The following KCNMB2 variants were observed in gnomAD, a reference collection of about 807,000 sequenced individuals.
KCNMB2 encodes potassium calcium-activated channel subfamily M regulatory beta subunit 2, also known as calcium-activated potassium channel subunit beta-2.
Under a neutral mutation model 24.5 loss-of-function variants are expected in KCNMB2, and 9 were observed. That is an observed-to-expected ratio of 0.37 (90% CI 0.22 to 0.64). The LOEUF is 0.64. Among genes scored for constraint, KCNMB2 ranks in the 30% least tolerant of loss-of-function variants. KCNMB2 has a pLI of 0.63. For synonymous variants in KCNMB2, 109 were observed against 104.4 expected (o/e 1.04, Z -0.27); for missense variants, 226 against 284.3 (o/e 0.79, Z 1.47).
At chr3:178,722,585 T>A (rs754427767) in intron 1 of KCNMB2, among the ~76,000 whole-genome samples, 7 of 152,150 alleles carry the variant, frequency 4.6e-5, no homozygotes, top group Non-Finnish European at 1.0e-4. Flanking sequence ...CCTCATATAT[T>A]AGTCACCTCT....
chr3:178,690,452 A>G (rs1285481538), intron 1 of KCNMB2, among the ~76,000 whole-genome samples: 1 of 151,922 alleles, frequency 6.6e-6, no homozygotes. Flanking sequence ...TAAATAATAA[A>G]TAATTTTGCA....
intron 1 of KCNMB2, among the ~76,000 whole-genome samples, chr3:178,692,297 C>G (rs1721709863): frequency 1.3e-5 from 2 of 152,096 alleles, no homozygotes; most frequent in Admixed American, 1.3e-4. Flanking sequence ...CTTTTAGCAT[C>G]TTCATCATGA....
chr3:178,752,840 A>C (rs968015151), intron 1 of KCNMB2, among the ~76,000 whole-genome samples: 1 of 152,224 alleles, frequency 6.6e-6, no homozygotes, highest in Non-Finnish European at 1.5e-5. Flanking sequence ...GAGAGTAAAG[A>C]TAAAGTCAGT....
intron 1 of KCNMB2, among the ~76,000 whole-genome samples, chr3:178,721,691 C>T (rs1722812388): frequency 6.6e-6 from 1 of 152,174 alleles, no homozygotes; most frequent in African/African-American, 2.4e-5. Context: ...TTCCCAACAG[C>T]AATGCAAAAG....
intron 1 of KCNMB2, among the ~76,000 whole-genome samples, chr3:178,631,393 A>T (rs1384072553): frequency 6.6e-6 from 1 of 152,202 alleles, no homozygotes; most frequent in African/African-American, 2.4e-5. Context: ...AGGCTAGGGG[A>T]CCCAAGCCAC....
rs140312599 is a variant in KCNMB2, at chr3:178,620,486, G to T, written c.-68+83775G>T. On this transcript the variant is annotated intron_variant, in intron 1 of 4. Transcript: ENST00000452583. ...TGAGGCTGAGAAGTCCAAGACCAAG[G>T]TGCTAGCAGATTCAGTGTCTGGTGA... Among the ~76,000 whole-genome samples the T allele has an allele frequency of 3.4e-3, 520 of 152,278 alleles. 3 individuals are homozygous for T. Among genetic ancestry groups the T allele is most frequent in the African/African-American group, 0.012 (499 of 41,568 alleles).
intron 1 of KCNMB2, chr3:178,729,377 G>A (rs1380540416): frequency 6.6e-6 from 1 of 152,132 alleles, no homozygotes; most frequent in African/African-American, 2.4e-5. Flanking sequence ...GTACCTTCCA[G>A]AATCAGGTTC....
intron 1 of KCNMB2, among the ~76,000 whole-genome samples, chr3:178,606,673 G>T (rs1024429545): frequency 6.6e-6 from 1 of 151,972 alleles, no homozygotes; most frequent in African/African-American, 2.4e-5. Context: ...GACATGATTT[G>T]GGGGTGGGGG....
intron 1 of KCNMB2, among the ~76,000 whole-genome samples, chr3:178,550,919 A>G (rs1328745887): frequency 6.6e-6 from 1 of 152,214 alleles, no homozygotes; most frequent in Non-Finnish European, 1.5e-5. Flanking sequence ...TTAAGATGAG[A>G]GTGGGTAATC....
chr3:178,724,888 C>T (rs1458194108), intron 1 of KCNMB2, among the ~76,000 whole-genome samples: 1 of 152,084 alleles, frequency 6.6e-6, no homozygotes, highest in East Asian at 1.9e-4. Context: ...CAGCACAATG[C>T]TGTTTTGGTT....
intron 1 of KCNMB2, among the ~76,000 whole-genome samples, chr3:178,766,208 T>C (rs1418216625): frequency 6.6e-6 from 1 of 152,178 alleles, no homozygotes; most frequent in Non-Finnish European, 1.5e-5. Flanking sequence ...TTTATTTTTA[T>C]TTTGAGATAG....
Position 178,843,371 on chromosome 3 carries a change from C to A in KCNMB2, c.*434C>A, listed in dbSNP as rs766848655. 25 of 324,798 alleles carry A rather than the reference C, an allele frequency of 7.7e-5. No homozygotes were observed. The highest frequency in any genetic ancestry group is 9.7e-5 in the Non-Finnish European group (16 of 164,150). The allele number at this position is 324,798 out of a possible 1,614,324, so 20.1% of individuals were successfully genotyped here. A position where few individuals can be genotyped will look rare whatever the true frequency, so the allele number is the denominator to read the frequency against. ...AAATATTTTTTTTTCTTATTCTAAA[C>A]TGAGCCCTATAGCAAGTGAAGGGAC... is the stretch of plus-strand genomic sequence containing the variant. On this transcript the variant is annotated 3_prime_UTR_variant, in exon 5 of 5. Transcript: ENST00000452583.
chr3:178,739,197 G>T (rs1298770348), intron 1 of KCNMB2, among the ~76,000 whole-genome samples: 2 of 151,822 alleles, frequency 1.3e-5, no homozygotes, highest in Admixed American at 6.6e-5. Context: ...CCCACAGGCT[G>T]TGTGACTTTA....
intron 1 of KCNMB2, among the ~76,000 whole-genome samples, chr3:178,784,855 G>A (rs1339812201): frequency 7.0e-6 from 1 of 142,568 alleles, no homozygotes; most frequent in Admixed American, 7.3e-5. Context: ...GCTTCTAAGT[G>A]GCCTTTTACC....
At chr3:178,794,811 G>A (rs1177227476) in intron 1 of KCNMB2, among the ~76,000 whole-genome samples, 1 of 152,162 alleles carries the variant, frequency 6.6e-6, no homozygotes, top group African/African-American at 2.4e-5. Flanking sequence ...GCTCTGTGAA[G>A]AGCCCCCTGG....
chr3:178,580,567 A>G, intron 1 of KCNMB2, among the ~76,000 whole-genome samples: 1 of 152,232 alleles, frequency 6.6e-6, no homozygotes, highest in East Asian at 1.9e-4. Context: ...GGAAGAGAGG[A>G]AGTCAAATTG....
chr3:178,653,940 C>T (rs143267903), intron 1 of KCNMB2, among the ~76,000 whole-genome samples: 5 of 152,082 alleles, frequency 3.3e-5, no homozygotes, highest in Non-Finnish European at 7.4e-5. Flanking sequence ...CCTTTTTTTA[C>T]TACTTTCTGA....
intron 1 of KCNMB2, among the ~76,000 whole-genome samples, chr3:178,745,416 T>C (rs963453746): frequency 2.6e-5 from 4 of 152,126 alleles, no homozygotes; most frequent in African/African-American, 7.2e-5. Flanking sequence ...GCCCCCATGA[T>C]TCAATTACCT....
At chr3:178,727,503 C>A (rs1452758787) in intron 1 of KCNMB2, among the ~76,000 whole-genome samples, 1 of 152,080 alleles carries the variant, frequency 6.6e-6, no homozygotes, top group Non-Finnish European at 1.5e-5. Flanking sequence ...TGGAAATTAT[C>A]TTGTATTATC....
Sources: gnomAD v4.1 joint callset for allele counts (sites outside exome capture counted in the v4.1 genomes callset) on GRCh38, gnomAD v4.1.1 for gene constraint, MANE v1.5 for transcripts, NCBI Gene and HGNC (gene_info 2026-07-23, HGNC 2026-07-21) for gene names.